The following FAM227B variants were observed in gnomAD, a reference collection of about 807,000 sequenced individuals.
The protein encoded by FAM227B is family with sequence similarity 227 member B.
In FAM227B, 88 loss-of-function variants were observed where a neutral mutation model predicts 73.8. The observed-to-expected ratio is 1.19, with a 90% CI of 1.00 to 1.42. The LOEUF (loss-of-function observed/expected upper bound fraction) is 1.42. Ranked by LOEUF, FAM227B falls within the 40% of genes most tolerant of loss-of-function variation. The probability of loss-of-function intolerance (pLI) is 0.00; values close to 1 mark genes in which losing one functional copy is unlikely to be tolerated. For missense variants in FAM227B, 632 were observed against 590.9 expected, an observed-to-expected ratio of 1.07 and a Z score of -0.72; for synonymous variants, 210 against 190.5, an observed-to-expected ratio of 1.10 and a Z score of -0.84.
chr15:49,591,532 C>G (rs2076576965), intron 3 of FAM227B, among the ~76,000 whole-genome samples: 1 of 115,444 alleles, frequency 8.7e-6, no homozygotes, highest in African/African-American at 3.4e-5. Context: ...GTTGCCCAGG[C>G]TGGAGTGCAG....
chr15:49,506,693 A>G lies in FAM227B; in HGVS notation c.1012+1518T>C, dbSNP rs181999332. 3.1e-4 allele frequency among the ~76,000 whole-genome samples: 47 copies of G among 152,168 alleles called. 1 individual carries two copies. The highest frequency in any genetic ancestry group is 1.1e-3 in the African/African-American group (46 of 41,570). On this transcript the variant is annotated intron_variant, in intron 11 of 15. Transcript: ENST00000299338. The stretch of plus-strand genomic sequence containing the variant: ...GAAATTAAACAATACTTTTCTAAAT[A>G]ACCCTACTTTGACCTACTAATGGGT...
intron 5 of FAM227B, among the ~76,000 whole-genome samples, chr15:49,581,301 G>A (rs1215065570): frequency 6.6e-6 from 1 of 151,890 alleles, no homozygotes; most frequent in Non-Finnish European, 1.5e-5. Context: ...CTACAAGCCA[G>A]AAGAGATTGG....
rs538760476 is a variant in FAM227B, at chr15:49,401,998, T to A, written c.1013-30599A>T. Among the ~76,000 whole-genome samples the A allele has an allele frequency of 2.0e-5, 3 of 151,688 alleles. No homozygotes were observed. In the South Asian group the frequency reaches 6.3e-4, roughly 32 times the overall value. On this transcript the variant is annotated intron_variant, in intron 11 of 15. Transcript: ENST00000299338. ...CACATGTACCCTAAAACTTAAAGTATAATAAAAAGAAGAAAAAAAAAATCT... is the reference window on the plus strand; with the variant it reads ...CACATGTACCCTAAAACTTAAAGTAAAATAAAAAGAAGAAAAAAAAAATCT...
At chr15:49,386,923 CAT>C (rs2046919523) in intron 11 of FAM227B, among the ~76,000 whole-genome samples, 1 of 151,672 alleles carries the variant, frequency 6.6e-6, no homozygotes, top group Non-Finnish European at 1.5e-5. Context: ...TTCCTGGAAA[CAT>C]ACAATCCTCC....
intron 14 of FAM227B, among the ~76,000 whole-genome samples, chr15:49,332,804 A>AGGTTT: frequency 6.6e-6 from 1 of 152,308 alleles, no homozygotes; most frequent in East Asian, 1.9e-4. Context: ...GGCCTAGCCA[A>AGGTTT]GGTTTCTTCA....
intron 10 of FAM227B, among the ~76,000 whole-genome samples, chr15:49,517,678 T>C (rs1204691186): frequency 1.3e-5 from 2 of 152,170 alleles, no homozygotes; most frequent in Non-Finnish European, 2.9e-5. Flanking sequence ...TTTTTGTAAA[T>C]TCATATAAAT....
chr15:49,511,521 C>T lies in FAM227B; in HGVS notation c.875-3173G>A, dbSNP rs74776891. Among the ~76,000 whole-genome samples the T allele has an allele frequency of 1.4e-3, 220 of 152,050 alleles. 3 individuals are homozygous for T. The East Asian group carries it at 0.034, about 23-fold the overall frequency. On this transcript the variant is annotated intron_variant, in intron 10 of 15. Transcript: ENST00000299338. ...TGTGCAGGTTTGTTATATAGATAAA[C>T]GTGTACTATGATGATTTGCTGCACA...
chr15:49,476,290 G>A (rs890388544), intron 11 of FAM227B, among the ~76,000 whole-genome samples: 19 of 127,502 alleles, frequency 1.5e-4, no homozygotes, highest in African/African-American at 5.1e-4. Flanking sequence ...TATTTTTTCT[G>A]TGGAAAAAGA....
intron 11 of FAM227B, among the ~76,000 whole-genome samples, chr15:49,449,666 G>A (rs2052541599): frequency 6.6e-6 from 1 of 152,006 alleles, no homozygotes; most frequent in Non-Finnish European, 1.5e-5. Flanking sequence ...TCTTAAGCTT[G>A]TCCAGGTCCC....
chr15:49,396,212 T>C (rs2047599517), intron 11 of FAM227B: 4 of 347,124 alleles, frequency 1.2e-5, no homozygotes, highest in South Asian at 6.4e-5. Flanking sequence ...GAGTTCCCTT[T>C]CCGAGTCAAA....
At chr15:49,550,728 A>T (rs976760349) in intron 9 of FAM227B, among the ~76,000 whole-genome samples, 4 of 145,932 alleles carry the variant, frequency 2.7e-5, no homozygotes, top group African/African-American at 5.2e-5. Context: ...TGGGATGGCG[A>T]CCGGGAAGAG....
chr15:49,383,468 A>G (rs1181915938), intron 11 of FAM227B, among the ~76,000 whole-genome samples: 2 of 152,142 alleles, frequency 1.3e-5, no homozygotes, highest in Admixed American at 1.3e-4. Flanking sequence ...TAGTATAAAC[A>G]TAACTTTTAT....
At chr15:49,493,195 A>C (rs570978094) in intron 11 of FAM227B, among the ~76,000 whole-genome samples, 1 of 152,028 alleles carries the variant, frequency 6.6e-6, no homozygotes, top group East Asian at 1.9e-4. Context: ...TCCTCGTCTC[A>C]ATTCCTGTTT....
At chr15:49,373,724 T>C (rs574914779) in intron 11 of FAM227B, among the ~76,000 whole-genome samples, 1 of 152,306 alleles carries the variant, frequency 6.6e-6, no homozygotes, top group Admixed American at 6.5e-5. Flanking sequence ...TGGTTATTGC[T>C]ATCCACTTTT....
chr15:49,587,738 A>C (rs780551137), intron 5 of FAM227B, among the ~76,000 whole-genome samples: 1 of 151,818 alleles, frequency 6.6e-6, no homozygotes, highest in Admixed American at 6.6e-5. Flanking sequence ...TGCACTACTA[A>C]GTATGTTATA....
chr15:49,355,758 CGAGAA>C, intron 13 of FAM227B, among the ~76,000 whole-genome samples: 1 of 151,376 alleles, frequency 6.6e-6, no homozygotes, highest in Admixed American at 6.6e-5. Context: ...AGATACTCCT[CGAGAA>C]GAGCAACTCC....
Position 49,328,669 on chromosome 15 carries a change from C to T in FAM227B, c.1426G>A (p.Glu476Lys), listed in dbSNP as rs373923791. The T allele has an allele frequency of 1.0e-4, 161 of 1,558,924 alleles. No homozygotes were observed. The highest frequency in any genetic ancestry group is 1.9e-4 in the East Asian group (8 of 42,182). Reference protein sequence around the residue: ...FEKFLHKLRSEAEIERECVAS... With the variant: ...FEKFLHKLRSKAEIERECVAS... ...ACACATTCTCTCTCAATTTCAGCTTCGGAACGCTATGAAAATAATACATGA... is the reference window on the plus strand; with the variant it reads ...ACACATTCTCTCTCAATTTCAGCTTTGGAACGCTATGAAAATAATACATGA... The change falls in exon 16 of 16, where the codon GAA becomes AAA. Residue 476 changes from glutamate (E) to lysine (K), a missense_variant. Transcript: ENST00000299338.
intron 11 of FAM227B, among the ~76,000 whole-genome samples, chr15:49,453,398 C>G (rs2052964007): frequency 6.6e-6 from 1 of 152,148 alleles, no homozygotes; most frequent in South Asian, 2.1e-4. Flanking sequence ...GCCACCGTGC[C>G]TGGCCCAGTA....
intron 11 of FAM227B, among the ~76,000 whole-genome samples, chr15:49,434,101 G>A (rs926078618): frequency 6.6e-6 from 1 of 151,510 alleles, no homozygotes; most frequent in African/African-American, 2.4e-5. Context: ...TTTAGTGCCA[G>A]TAGCCTGATC....
Sources: gnomAD v4.1 joint callset for allele counts (sites outside exome capture counted in the v4.1 genomes callset) on GRCh38, gnomAD v4.1.1 for gene constraint, MANE v1.5 for transcripts, NCBI Gene and HGNC (gene_info 2026-07-23, HGNC 2026-07-21) for gene names.